Variants in LRRTM3 observed in about 807,000 individuals in gnomAD.
LRRTM3 encodes leucine-rich repeat transmembrane neuronal protein 3.
Under a neutral mutation model 44.7 loss-of-function variants are expected in LRRTM3, and 24 were observed. The observed-to-expected ratio is 0.54, with a 90% CI of 0.39 to 0.76. The LOEUF (loss-of-function observed/expected upper bound fraction) is 0.76. Ranked by LOEUF, LRRTM3 falls within the 30% of genes least tolerant of loss-of-function variation. The pLI, the probability that LRRTM3 is intolerant of heterozygous loss-of-function variation, is 0.00. For synonymous variants in LRRTM3, 277 were observed against 278.7 expected (o/e 0.99, Z 0.06); for missense variants, 587 against 702.2 (o/e 0.84, Z 1.85).
intron 2 of LRRTM3, among the ~76,000 whole-genome samples, chr10:66,976,745 C>T (rs1329413390): frequency 6.6e-6 from 1 of 152,132 alleles, no homozygotes; most frequent in Non-Finnish European, 1.5e-5. Flanking sequence ...GCTGTTTTCT[C>T]ATTATTCATT....
chr10:66,971,811 A>G (rs914583119), intron 2 of LRRTM3, among the ~76,000 whole-genome samples: 3 of 152,144 alleles, frequency 2.0e-5, no homozygotes, highest in Non-Finnish European at 2.9e-5. Flanking sequence ...CATCTCTACT[A>G]TTATTATAAA....
intron 2 of LRRTM3, among the ~76,000 whole-genome samples, chr10:67,052,337 TCTCTCTCTCTC>T (rs1855156805): frequency 7.3e-5 from 11 of 151,630 alleles, no homozygotes; most frequent in South Asian, 4.2e-4. Context: ...TCTCTCTCTC[TCTCTCTCTCTC>T]TCTCTCATTA....
chr10:67,056,730 A>G (rs1165106052), intron 2 of LRRTM3, among the ~76,000 whole-genome samples: 1 of 152,216 alleles, frequency 6.6e-6, no homozygotes, highest in African/African-American at 2.4e-5. Context: ...CTCAAGAGCT[A>G]TAATTAAAAT....
chr10:66,995,576 C>T, intron 2 of LRRTM3, among the ~76,000 whole-genome samples: 1 of 152,206 alleles, frequency 6.6e-6, no homozygotes, highest in Non-Finnish European at 1.5e-5. Context: ...GGATAAATTA[C>T]AAATCCTTAA....
At chr10:66,971,049 C>T (rs1022120910) in intron 2 of LRRTM3, among the ~76,000 whole-genome samples, 2 of 151,936 alleles carry the variant, frequency 1.3e-5, no homozygotes, top group Non-Finnish European at 2.9e-5. Flanking sequence ...CTCTTTTTCC[C>T]CTTTGAATCA....
chr10:67,072,630 T>A (rs1048271153), intron 2 of LRRTM3, among the ~76,000 whole-genome samples: 1 of 152,144 alleles, frequency 6.6e-6, no homozygotes, highest in Admixed American at 6.6e-5. Context: ...CTTCCCCTTG[T>A]TTATCTATAC....
intron 2 of LRRTM3, among the ~76,000 whole-genome samples, chr10:66,991,408 T>C (rs1356654417): frequency 6.6e-6 from 1 of 152,222 alleles, no homozygotes; most frequent in East Asian, 1.9e-4. Flanking sequence ...CAGAAAATTA[T>C]ATCAACACTA....
In LRRTM3 at chr10:66,931,001, C is replaced by T. The variant is rs1269563992; in HGVS notation, c.1536+2549C>T. Among the ~76,000 whole-genome samples the T allele has an allele frequency of 2.6e-5, 4 of 152,044 alleles. No individual in the cohort carries two copies. The South Asian group carries it at 6.2e-4, about 24-fold the overall frequency. ...TAGTTTACCACTGTAAATTTTAAAA[C>T]GCCAACTGCCAGTCTCCTGCTCAAA... On this transcript the variant is annotated intron_variant, in intron 2 of 2. Coordinates refer to ENST00000361320, the MANE Select transcript of LRRTM3 (RefSeq NM_178011.5).
At chr10:66,980,136 C>G (rs1850329127) in intron 2 of LRRTM3, among the ~76,000 whole-genome samples, 2 of 152,172 alleles carry the variant, frequency 1.3e-5, no homozygotes, top group African/African-American at 4.8e-5. Flanking sequence ...TATTTCATTT[C>G]TGAGCCAGGA....
In LRRTM3 at chr10:67,068,380, A is replaced by G. The variant is rs1275137560; in HGVS notation, c.1537-29207A>G. Among the ~76,000 whole-genome samples, 3 of 152,198 alleles carry G rather than the reference A, an allele frequency of 2.0e-5. No homozygotes were observed. In the East Asian group the frequency reaches 5.8e-4, roughly 29 times the overall value. On this transcript the variant is annotated intron_variant, in intron 2 of 2. Transcript: ENST00000361320. ...GGGAAAGGTAGGAATTCAGTCTTGC[A>G]TGTGTTACGTTGGGGGACATTCGAT...
chr10:67,013,186 C>T (rs773131338), intron 2 of LRRTM3, among the ~76,000 whole-genome samples: 6 of 151,396 alleles, frequency 4.0e-5, no homozygotes, highest in Non-Finnish European at 5.9e-5. Flanking sequence ...GGTGTAAGAA[C>T]CTGACTCAAA....
At position 67,100,210 on chromosome 10, in the gene LRRTM3, T is replaced by A. The variant is rs914007402; in HGVS notation, c.*2414T>A. ...GAAGGAAACCACTTTCTTTCTTAAA[T>A]ATTTTAAATTCATCTAAAGTGAACG... is the stretch of plus-strand genomic sequence containing the variant. On this transcript the variant is annotated 3_prime_UTR_variant, in exon 3 of 3. Transcript: ENST00000361320. Among the ~76,000 whole-genome samples, 23 of 151,746 alleles carry A rather than the reference T, an allele frequency of 1.5e-4. No homozygotes were observed. The highest frequency in any genetic ancestry group is 6.6e-5 in the Admixed American group (1 of 15,176).
At chr10:67,017,246 T>C (rs961831836) in intron 2 of LRRTM3, among the ~76,000 whole-genome samples, 1 of 152,192 alleles carries the variant, frequency 6.6e-6, no homozygotes, top group Admixed American at 6.6e-5. Context: ...CTAAAAACAT[T>C]ACTGAAATTG....
At chr10:66,939,619 C>A (rs1214970121) in intron 2 of LRRTM3, among the ~76,000 whole-genome samples, 3 of 152,078 alleles carry the variant, frequency 2.0e-5, no homozygotes, top group Admixed American at 6.6e-5. Flanking sequence ...ATTTTAATTA[C>A]AATTTGTAAG....
chr10:67,012,352 G>T (rs1286715036), intron 2 of LRRTM3: 1 of 152,078 alleles, frequency 6.6e-6, no homozygotes, highest in East Asian at 1.9e-4. Context: ...CCCACCTACA[G>T]GTCAGTCCTC....
intron 2 of LRRTM3, among the ~76,000 whole-genome samples, chr10:66,931,232 C>T (rs1386807238): frequency 7.9e-6 from 1 of 126,994 alleles, no homozygotes; most frequent in African/African-American, 2.9e-5. Flanking sequence ...TTGAACTATA[C>T]AACAGAACAC....
At chr10:66,980,487 C>T (rs552791379) in intron 2 of LRRTM3, among the ~76,000 whole-genome samples, 2 of 137,756 alleles carry the variant, frequency 1.5e-5, no homozygotes, top group East Asian at 3.9e-4. Context: ...GAACAGGAAC[C>T]AAAACTATTG....
chr10:66,948,880 GGGA>G (rs1410503092), intron 2 of LRRTM3, among the ~76,000 whole-genome samples: 3 of 152,168 alleles, frequency 2.0e-5, no homozygotes, highest in African/African-American at 7.2e-5. Context: ...GTAAAAGAGA[GGGA>G]GGAGAAGGTG....
chr10:66,982,020 A>G (rs1850471013), intron 2 of LRRTM3, among the ~76,000 whole-genome samples: 1 of 152,202 alleles, frequency 6.6e-6, no homozygotes, highest in African/African-American at 2.4e-5. Context: ...ATATGAGAAC[A>G]CTTCCCTCAC....
Sources: allele counts gnomAD v4.1 joint callset (sites outside exome capture counted in the v4.1 genomes callset), GRCh38; gene constraint gnomAD v4.1.1; transcripts MANE v1.5; gene names NCBI Gene and HGNC (gene_info 2026-07-23, HGNC 2026-07-21).